ONECUT3: variants seen among roughly 807,000 people sequenced by gnomAD.
The protein encoded by ONECUT3 is one cut domain family member 3.
A neutral mutation model predicts 16.8 loss-of-function variants in ONECUT3; 11 were observed. The ratio of observed to expected loss-of-function variants is 0.66; its 90% CI spans 0.41 to 1.09. The LOEUF (loss-of-function observed/expected upper bound fraction) is 1.09. Ranked by LOEUF, ONECUT3 falls within the 50% of genes least tolerant of loss-of-function variation. The pLI, the probability that ONECUT3 is intolerant of heterozygous loss-of-function variation, is 0.00. For missense variants in ONECUT3, 637 were observed against 629.9 expected (o/e 1.01, Z -0.12); for synonymous variants, 344 against 310.7 (o/e 1.11, Z -1.13).
Position 1,775,187 on chromosome 19 carries a change from G to A in ONECUT3, c.1227G>A (p.Glu409=). The A allele has an allele frequency of 6.8e-7, 1 of 1,467,432 alleles. No individual in the cohort carries two copies. The highest frequency in any genetic ancestry group is 9.1e-7 in the Non-Finnish European group (1 of 1,095,778). The allele number at this position is 1,467,432 out of a possible 1,614,324, so 90.9% of individuals were successfully genotyped here. Residue 409 remains glutamate (E), a synonymous_variant, in exon 2 of 2, where the codon GAG becomes GAA. Transcript: ENST00000382349. ...CKRKEQEQQK[E]RALQPKKQRL... ...GCAAGGAACAGGAGCAGCAGAAGGA[G>A]CGCGCCCTGCAGCCCAAGAAGCAGC...
Position 1,775,261 on chromosome 19 carries a change from A to G in ONECUT3, c.1301A>G (p.Lys434Arg), listed in dbSNP as rs375969253. 170 of 1,600,944 alleles carry G rather than the reference A, an allele frequency of 1.1e-4. No homozygotes were observed. The highest frequency in any genetic ancestry group is 1.3e-4 in the Non-Finnish European group (153 of 1,173,878). ...LQRRTLIAIF[K>R]ENKRPSKEMQ... Reference sequence around the variant, plus strand: ...CGACGCACGCTGATCGCCATCTTCAAGGAGAACAAGCGGCCGTCCAAGGAG... The same window carrying G: ...CGACGCACGCTGATCGCCATCTTCAGGGAGAACAAGCGGCCGTCCAAGGAG... Residue 434 changes from lysine to arginine, a missense_variant, in exon 2 of 2, where the codon AAG becomes AGG. Coordinates refer to ENST00000382349, the MANE Select transcript of ONECUT3 (RefSeq NM_001080488.2).
chr19:1,763,977 G>A (rs892640012), intron 1 of ONECUT3, among the ~76,000 whole-genome samples: 7 of 152,114 alleles, frequency 4.6e-5, no homozygotes, highest in African/African-American at 1.7e-4. Context: ...TTTTACGAGT[G>A]TGAGTTTATC....
chr19:1,779,753 T>C lies in ONECUT3; in HGVS notation c.*4308T>C, dbSNP rs991072051. The C allele has an allele frequency of 5.9e-5, 9 of 151,872 alleles. No individual in the cohort carries two copies. Among genetic ancestry groups the C allele is most frequent in the South Asian group, 2.1e-4 (1 of 4,788 alleles). The allele number at this position is 151,872 out of a possible 1,614,324, so 9.4% of individuals were successfully genotyped here. On this transcript the variant is annotated 3_prime_UTR_variant, in exon 2 of 2. Transcript: ENST00000382349. ...CCTGATCGGTGCTGTTCAGTGGTTT[T>C]TCGTTACTGTTTCTTTCCTCCTTTC...
chr19:1,771,959 A>G (rs562868028), intron 1 of ONECUT3, among the ~76,000 whole-genome samples: 1 of 151,948 alleles, frequency 6.6e-6, no homozygotes, highest in Non-Finnish European at 1.5e-5. Flanking sequence ...GATTAGAGGC[A>G]TGAGCCACTT....
intron 1 of ONECUT3, among the ~76,000 whole-genome samples, chr19:1,761,535 C>A (rs771638152): frequency 5.3e-5 from 8 of 152,194 alleles, no homozygotes; most frequent in Non-Finnish European, 1.0e-4. Flanking sequence ...TGGGAGGGGA[C>A]TTCTGGCCGG....
Position 1,758,937 on chromosome 19 carries a change from G to A in ONECUT3, c.1192+4083G>A, listed in dbSNP as rs530290699. 1.3e-5 allele frequency among the ~76,000 whole-genome samples: 2 copies of A among 152,156 alleles called. No homozygotes were observed. Among genetic ancestry groups the A allele is most frequent in the African/African-American group, 2.4e-5 (1 of 41,424 alleles). On this transcript the variant is annotated intron_variant, in intron 1 of 1. Transcript: ENST00000382349. This position sits in a 1 kb window ranked among gnomAD's most constrained non-coding sequence, Gnocchi z 5.9. ...TTGTAACTGATCAGAAAAAAAATAC[G>A]TATATAGATAATACAAAGTTAGATG...
rs1354332355 is a variant in ONECUT3, at chr19:1,766,313, C to T, written c.1193-8840C>T. Among the ~76,000 whole-genome samples the T allele has an allele frequency of 6.6e-6, 1 of 152,186 alleles. No homozygotes were observed. The highest frequency in any genetic ancestry group is 1.5e-5 in the Non-Finnish European group (1 of 68,036). On this transcript the variant is annotated intron_variant, in intron 1 of 1. Transcript: ENST00000382349. The surrounding 1 kb of genome is among the most constrained non-coding windows in gnomAD (Gnocchi z 4.0). ...CTGGCACCCTCAGCCCGCACGCGGC[C>T]AACGTCAGGCGCGCGCAGAGGCACC...
At chr19:1,760,197 C>G (rs2067939389) in intron 1 of ONECUT3, among the ~76,000 whole-genome samples, 4 of 152,236 alleles carry the variant, frequency 2.6e-5, no homozygotes, top group African/African-American at 7.2e-5. Context: ...GAGCCCCGCA[C>G]TGCTTCTGAT....
chr19:1,757,113 C>T lies in ONECUT3; in HGVS notation c.1192+2259C>T, dbSNP rs1006365075. 1.8e-3 allele frequency among the ~76,000 whole-genome samples: 268 copies of T among 149,182 alleles called. 1 individual carries two copies. Among genetic ancestry groups the T allele is most frequent in the Non-Finnish European group, 2.3e-3 (152 of 67,368 alleles). Reference sequence around the variant, plus strand: ...AGCCAGAGCGTCACAGAAGGGCAAACCGCAGGCGAGAAGTCCCATGGGGGG... The same window carrying T: ...AGCCAGAGCGTCACAGAAGGGCAAATCGCAGGCGAGAAGTCCCATGGGGGG... On this transcript the variant is annotated intron_variant, in intron 1 of 1. Coordinates refer to ENST00000382349, the MANE Select transcript of ONECUT3 (RefSeq NM_001080488.2).
In ONECUT3 at chr19:1,764,802, G is replaced by A. The variant is rs964338217; in HGVS notation, c.1192+9948G>A. On this transcript the variant is annotated intron_variant, in intron 1 of 1. Coordinates refer to ENST00000382349, the MANE Select transcript of ONECUT3 (RefSeq NM_001080488.2). This position sits in a 1 kb window ranked among gnomAD's most constrained non-coding sequence, Gnocchi z 5.0. ...GACTCGAGTCTGGAGAGGCCACGGG[G>A]GGGGGATGCGCAGGGGGGACAAGAC... is the stretch of plus-strand genomic sequence containing the variant. Among the ~76,000 whole-genome samples the A allele has an allele frequency of 2.0e-5, 3 of 149,896 alleles. No individual in the cohort carries two copies. Among genetic ancestry groups the A allele is most frequent in the Admixed American group, 2.0e-4 (3 of 15,118 alleles).
Position 1,753,584 on chromosome 19 carries a change from A to C in ONECUT3, c.-79A>C. The C allele has an allele frequency of 1.6e-5, 7 of 440,100 alleles. No homozygotes were observed. The highest frequency in any genetic ancestry group is 2.1e-5 in the Non-Finnish European group (7 of 326,398). The allele number at this position is 440,100 out of a possible 1,614,324, so 27.3% of individuals were successfully genotyped here. ...GCAGCCTCGCGCGCAGCCACCGGGG[A>C]GCGGGCGGGAGTCATGCAGCGGCCT... is the stretch of plus-strand genomic sequence containing the variant. On this transcript the variant is annotated 5_prime_UTR_variant, in exon 1 of 2. Coordinates refer to ENST00000382349, the MANE Select transcript of ONECUT3 (RefSeq NM_001080488.2).
In ONECUT3 at chr19:1,764,193, C is replaced by T. The variant is rs2067964744; in HGVS notation, c.1192+9339C>T. Among the ~76,000 whole-genome samples the T allele has an allele frequency of 6.6e-6, 1 of 152,120 alleles. No homozygotes were observed. Among genetic ancestry groups the T allele is most frequent in the South Asian group, 2.1e-4 (1 of 4,820 alleles). On this transcript the variant is annotated intron_variant, in intron 1 of 1. Transcript: ENST00000382349. The surrounding 1 kb of genome is among the most constrained non-coding windows in gnomAD (Gnocchi z 5.0). The stretch of plus-strand genomic sequence containing the variant: ...GTGTGTTTGCCCACTGGCTTTGCTC[C>T]TGTTTGAGGGTGCCTGAATGGGGTG...
chr19:1,757,138 G>GT (rs1229002340), intron 1 of ONECUT3, among the ~76,000 whole-genome samples: 1 of 151,736 alleles, frequency 6.6e-6, no homozygotes, highest in Non-Finnish European at 1.5e-5. Context: ...CCCATGGGGG[G>GT]GGGGTGGGCT....
chr19:1,759,230 G>C lies in ONECUT3; in HGVS notation c.1192+4376G>C, dbSNP rs1211033442. Among the ~76,000 whole-genome samples, 1 of 152,202 alleles carries C rather than the reference G, an allele frequency of 6.6e-6. No homozygotes were observed. Among genetic ancestry groups the C allele is most frequent in the Non-Finnish European group, 1.5e-5 (1 of 68,048 alleles). On this transcript the variant is annotated intron_variant, in intron 1 of 1. Transcript: ENST00000382349. This position sits in a 1 kb window ranked among gnomAD's most constrained non-coding sequence, Gnocchi z 4.1. ...CTGTTTGGTGGTGGGTGAGCAGGGG[G>C]GATGCCAGGGACTGGGGACCTGAGG...
Position 1,754,953 on chromosome 19 carries a change from A to G in ONECUT3, c.1192+99A>G. Reference sequence around the variant, plus strand: ...GCCGATGCCCGGGGCCAGCGCCCCAAGCCCCGCCCGTGCGCCCCGGCAGCC... The same window carrying G: ...GCCGATGCCCGGGGCCAGCGCCCCAGGCCCCGCCCGTGCGCCCCGGCAGCC... On this transcript the variant is annotated intron_variant, in intron 1 of 1. Coordinates refer to ENST00000382349, the MANE Select transcript of ONECUT3 (RefSeq NM_001080488.2). The surrounding 1 kb of genome is among the most constrained non-coding windows in gnomAD (Gnocchi z 7.4). The G allele has an allele frequency of 1.6e-6, 2 of 1,266,710 alleles. No individual in the cohort carries two copies. The highest frequency in any genetic ancestry group is 2.0e-6 in the Non-Finnish European group (2 of 1,004,862). The allele number at this position is 1,266,710 out of a possible 1,614,324, so 78.5% of individuals were successfully genotyped here.
chr19:1,767,374 G>C lies in ONECUT3; in HGVS notation c.1193-7779G>C, dbSNP rs79708629. 2.1e-4 allele frequency among the ~76,000 whole-genome samples: 32 copies of C among 152,062 alleles called. 1 individual carries two copies. The highest frequency in any genetic ancestry group is 7.7e-4 in the African/African-American group (32 of 41,462). On this transcript the variant is annotated intron_variant, in intron 1 of 1. Transcript: ENST00000382349. ...TGAGGCTAAGATGGTCCAACACCAG[G>C]CAGGGCCCAAGAGGGCAGCAGGTCA...
chr19:1,767,420 G>A (rs1223884863), intron 1 of ONECUT3, among the ~76,000 whole-genome samples: 1 of 152,194 alleles, frequency 6.6e-6, no homozygotes, highest in African/African-American at 2.4e-5. Flanking sequence ...TTGGGCCCCG[G>A]GGTGGTTGGC....
At position 1,776,403 on chromosome 19, in the gene ONECUT3, G is replaced by C. The variant is rs1487463130; in HGVS notation, c.*958G>C. ...AGGAGCCCCTCTGCACGGGCCCGTG[G>C]AGACGCTTCCTGCGTGGAACCTTCT... On this transcript the variant is annotated 3_prime_UTR_variant, in exon 2 of 2. Transcript: ENST00000382349. The surrounding 1 kb of genome is among the most constrained non-coding windows in gnomAD (Gnocchi z 4.9). 1 of 152,210 alleles carries C rather than the reference G, an allele frequency of 6.6e-6. No individual in the cohort carries two copies. Among genetic ancestry groups the C allele is most frequent in the African/African-American group, 2.4e-5 (1 of 41,444 alleles). 9.4% of individuals were successfully genotyped at this position (152,210 alleles called of 1,614,324 possible).
At chr19:1,769,875 C>T (rs1313530914) in intron 1 of ONECUT3, among the ~76,000 whole-genome samples, 3 of 152,094 alleles carry the variant, frequency 2.0e-5, no homozygotes, top group Non-Finnish European at 2.9e-5. Flanking sequence ...CTGCCTGGCC[C>T]GGCCCCTCCC....
Sources: allele counts gnomAD v4.1 joint callset (sites outside exome capture counted in the v4.1 genomes callset), GRCh38; gene constraint gnomAD v4.1.1; non-coding constraint Gnocchi (gnomAD v3.1); transcripts MANE v1.5; gene names NCBI Gene and HGNC (gene_info 2026-07-23, HGNC 2026-07-21).